LRRC4C: variants seen among roughly 807,000 people sequenced by gnomAD.
LRRC4C encodes leucine-rich repeat-containing protein 4C.
In LRRC4C, 5 loss-of-function variants were observed where a neutral mutation model predicts 33.6. The observed-to-expected ratio is 0.15, with a 90% CI of 0.08 to 0.31. LRRC4C has a LOEUF of 0.31. LRRC4C is among the 10% of genes least tolerant of loss of function. LRRC4C has a pLI of 1.00. For synonymous variants in LRRC4C, 329 were observed against 302.0 expected, an observed-to-expected ratio of 1.09 and a Z score of -0.93; for missense variants, 560 against 796.7, an observed-to-expected ratio of 0.70 and a Z score of 3.58.
rs1242815563 is a variant in LRRC4C at position 41,281,807 on chromosome 11, G to A, written c.-496+177624C>T. Reference sequence around the variant, plus strand: ...AAGCCACTCCAACAATCTTTAGTTTGTGGAGTTTAGTGGAGGTTGGTTTGT... The same window carrying A: ...AAGCCACTCCAACAATCTTTAGTTTATGGAGTTTAGTGGAGGTTGGTTTGT... On this transcript the variant is annotated intron_variant, in intron 1 of 6. Transcript: ENST00000528697. Among the ~76,000 whole-genome samples the A allele has an allele frequency of 3.9e-5, 6 of 152,212 alleles. No homozygotes were observed. The South Asian group carries it at 1.2e-3, about 32-fold the overall frequency.
intron 3 of LRRC4C, among the ~76,000 whole-genome samples, chr11:40,401,079 T>C (rs1428076514): frequency 6.6e-6 from 1 of 152,146 alleles, no homozygotes; most frequent in Non-Finnish European, 1.5e-5. Flanking sequence ...AATAAGCTCC[T>C]GGAAGTCTGA....
chr11:41,025,162 C>T (rs6650166), intron 1 of LRRC4C, among the ~76,000 whole-genome samples: 6 of 151,660 alleles, frequency 4.0e-5, no homozygotes, highest in African/African-American at 9.6e-5. Context: ...CTACAATGGC[C>T]TTTAAGTTTG....
intron 2 of LRRC4C, among the ~76,000 whole-genome samples, chr11:40,790,142 T>A (rs147446285): frequency 6.6e-6 from 1 of 152,208 alleles, no homozygotes; most frequent in East Asian, 1.9e-4. Context: ...ACTTGATTTT[T>A]ACCCACAGAA....
At chr11:41,220,578 AAG>A (rs1947264271) in intron 1 of LRRC4C, among the ~76,000 whole-genome samples, 1 of 151,520 alleles carries the variant, frequency 6.6e-6, no homozygotes, top group African/African-American at 2.4e-5. Flanking sequence ...ACACGTCTGA[AAG>A]TACTTCCAAT....
At chr11:40,869,157 A>T (rs1954513716) in intron 2 of LRRC4C, among the ~76,000 whole-genome samples, 1 of 152,192 alleles carries the variant, frequency 6.6e-6, no homozygotes, top group South Asian at 2.1e-4. Flanking sequence ...CACATTAGCT[A>T]GGATTACCTG....
chr11:40,712,398 A>G (rs1946510536), intron 2 of LRRC4C, among the ~76,000 whole-genome samples: 1 of 152,232 alleles, frequency 6.6e-6, no homozygotes, highest in South Asian at 2.1e-4. Context: ...GAAGCTTTAA[A>G]GAACTAAAAG....
At chr11:40,120,140 C>T (rs1233404490) in intron 6 of LRRC4C, among the ~76,000 whole-genome samples, 1 of 152,164 alleles carries the variant, frequency 6.6e-6, no homozygotes, top group Admixed American at 6.6e-5. Context: ...AAAAACATCA[C>T]TTTTTAAACA....
chr11:41,341,440 T>C (rs7926720), intron 1 of LRRC4C, among the ~76,000 whole-genome samples: 2,782 of 152,282 alleles, frequency 0.018, 80 homozygotes, highest in African/African-American at 0.063. Context: ...ATTGTAGTAA[T>C]TTAATGACTG....
intron 4 of LRRC4C, among the ~76,000 whole-genome samples, chr11:40,294,567 G>T (rs1282537228): frequency 6.6e-6 from 1 of 152,114 alleles, no homozygotes; most frequent in Non-Finnish European, 1.5e-5. Context: ...GGTGTCTCAC[G>T]CCTGTAATCC....
At chr11:41,370,239 A>T (rs1180055055) in intron 1 of LRRC4C, among the ~76,000 whole-genome samples, 1 of 152,110 alleles carries the variant, frequency 6.6e-6, no homozygotes, top group Non-Finnish European at 1.5e-5. Context: ...GCTGAAGTAC[A>T]GTGGAACAAT....
chr11:40,169,904 T>C (rs1054196617), intron 5 of LRRC4C, among the ~76,000 whole-genome samples: 2 of 152,184 alleles, frequency 1.3e-5, no homozygotes, highest in African/African-American at 2.4e-5. Flanking sequence ...GAATGCTAAT[T>C]TGGGAAGTTT....
chr11:40,581,251 T>C (rs763146332), intron 3 of LRRC4C, among the ~76,000 whole-genome samples: 5 of 152,212 alleles, frequency 3.3e-5, no homozygotes, highest in Non-Finnish European at 5.9e-5. Context: ...TACAACGCTG[T>C]GGTAATTTAT....
At chr11:40,521,354 A>C (rs1020092283) in intron 3 of LRRC4C, among the ~76,000 whole-genome samples, 2 of 152,230 alleles carry the variant, frequency 1.3e-5, no homozygotes, top group Non-Finnish European at 2.9e-5. Context: ...GAGTAATAAG[A>C]AAGAGTCAGC....
chr11:40,764,117 C>T (rs1312821028), intron 2 of LRRC4C, among the ~76,000 whole-genome samples: 3 of 152,078 alleles, frequency 2.0e-5, no homozygotes, highest in Admixed American at 2.0e-4. Context: ...ACTTGAATAC[C>T]TGCTCAACTA....
At chr11:40,884,700 T>C (rs1229709684) in intron 2 of LRRC4C, among the ~76,000 whole-genome samples, 2 of 152,160 alleles carry the variant, frequency 1.3e-5, no homozygotes, top group Admixed American at 1.3e-4. Flanking sequence ...TTAGGTCAAA[T>C]TTGATAATGA....
chr11:40,875,341 T>C (rs1340642282), intron 2 of LRRC4C, among the ~76,000 whole-genome samples: 1 of 152,184 alleles, frequency 6.6e-6, no homozygotes, highest in Non-Finnish European at 1.5e-5. Flanking sequence ...GTCAATATTT[T>C]AAAATTCTCA....
At chr11:41,128,623 A>T (rs1942862315) in intron 1 of LRRC4C, among the ~76,000 whole-genome samples, 1 of 152,090 alleles carries the variant, frequency 6.6e-6, no homozygotes, top group Non-Finnish European at 1.5e-5. Context: ...CATTTGCCAT[A>T]AATTAGTTCA....
intron 1 of LRRC4C, among the ~76,000 whole-genome samples, chr11:41,128,891 A>G (rs1230264135): frequency 6.6e-6 from 1 of 152,024 alleles, no homozygotes; most frequent in Non-Finnish European, 1.5e-5. Flanking sequence ...TTTAGTGAGT[A>G]TATATTTGAT....
chr11:40,676,495 G>C (rs766464000), intron 2 of LRRC4C, among the ~76,000 whole-genome samples: 7 of 149,940 alleles, frequency 4.7e-5, no homozygotes, highest in Non-Finnish European at 5.9e-5. Context: ...TATTGGAAAG[G>C]GTGTTTTATT....
Sources: allele counts gnomAD v4.1 joint callset (sites outside exome capture counted in the v4.1 genomes callset), GRCh38; gene constraint gnomAD v4.1.1; transcripts MANE v1.5; gene names NCBI Gene and HGNC (gene_info 2026-07-23, HGNC 2026-07-21).